EPM2A: variants seen among roughly 807,000 people sequenced by gnomAD.
The protein encoded by EPM2A is EPM2A glucan phosphatase, laforin.
Under a neutral mutation model 26.5 loss-of-function variants are expected in EPM2A, and 21 were observed. That is an observed-to-expected ratio of 0.79 (90% CI 0.56 to 1.14). The LOEUF is 1.14. Among genes scored for constraint, EPM2A ranks in the 50% most tolerant of loss-of-function variants. EPM2A has a pLI of 0.00. For synonymous variants in EPM2A, 217 were observed against 177.6 expected (o/e 1.22, Z -1.76); for missense variants, 458 against 440.8 (o/e 1.04, Z -0.35).
At chr6:145,433,698 T>C (rs556664116) in intron 4 of EPM2A, among the ~76,000 whole-genome samples, 8 of 152,270 alleles carry the variant, frequency 5.3e-5, no homozygotes, top group African/African-American at 1.4e-4. Context: ...ACAGATCCAA[T>C]TTTTTCCCTC....
chr6:145,589,888 T>TA (rs60941447), intron 2 of EPM2A, among the ~76,000 whole-genome samples: 135,643 of 141,014 alleles, frequency 0.96, 65,207 homozygotes, highest in East Asian at 0.99. Context: ...GTTCAGAGGT[T>TA]AAAAAAAAAA....
At position 145,440,348 on chromosome 6, in the gene EPM2A, C is replaced by T. The variant is rs181144548; in HGVS notation, c.556-56251G>A. Among the ~76,000 whole-genome samples the T allele has an allele frequency of 6.6e-5, 10 of 152,242 alleles. No homozygotes were observed. In the East Asian group the frequency reaches 1.5e-3, roughly 24 times the overall value. Reference sequence around the variant, plus strand: ...TGATTCAATTATCTTCCACTGAGTCCCTCTCACAACAAAACGGAATTATGG... The same window carrying T: ...TGATTCAATTATCTTCCACTGAGTCTCTCTCACAACAAAACGGAATTATGG... On this transcript the variant is annotated intron_variant, in intron 4 of 4. Transcript: ENST00000638717.
chr6:145,421,563 G>A (rs905458226), intron 4 of EPM2A, among the ~76,000 whole-genome samples: 1 of 151,682 alleles, frequency 6.6e-6, no homozygotes, highest in African/African-American at 2.4e-5. Flanking sequence ...CCACTAAAGA[G>A]AAGTTGTTTA....
At chr6:145,586,875 C>T (rs937342455) in intron 2 of EPM2A, among the ~76,000 whole-genome samples, 3 of 152,176 alleles carry the variant, frequency 2.0e-5, no homozygotes, top group African/African-American at 7.2e-5. Context: ...ATGGTCCTTA[C>T]CGGCAATCTC....
intron 4 of EPM2A, among the ~76,000 whole-genome samples, chr6:145,395,831 T>C (rs2039698): frequency 0.26 from 40,010 of 151,938 alleles, 5,599 homozygotes; most frequent in Non-Finnish European, 0.32. Flanking sequence ...TTATCAGAGA[T>C]TCTGCTGTGT....
chr6:145,415,176 G>A (rs10457777), intron 4 of EPM2A, among the ~76,000 whole-genome samples: 18,161 of 152,158 alleles, frequency 0.12, 1,130 homozygotes, highest in South Asian at 0.24. Context: ...TGCCTTCAGA[G>A]AATTGTGCTT....
rs35034106 is a variant in EPM2A at position 145,568,322 on chromosome 6, C to CT, written c.341-65748dup. Among the ~76,000 whole-genome samples, 766 of 140,070 alleles carry CT rather than the reference C, an allele frequency of 5.5e-3. 23 individuals are homozygous for CT. The East Asian group carries it at 0.088, about 16-fold the overall frequency. The allele number at this position is 140,070 out of a possible 152,430, so 91.9% of individuals were successfully genotyped here. On this transcript the variant is annotated intron_variant, in intron 2 of 3. Coordinates refer to the EPM2A transcript ENST00000450221. ...CAGAACAGTAACCCAGGACATCTGA[C>CT]TTTTTTTTTTTTTTTTTGACGGAGT...
At chr6:145,395,958 CT>C in intron 4 of EPM2A, among the ~76,000 whole-genome samples, 2 of 152,254 alleles carry the variant, frequency 1.3e-5, no homozygotes, top group East Asian at 3.9e-4. Context: ...AGCCTGTCCA[CT>C]AGCCACATAT....
intron 4 of EPM2A, among the ~76,000 whole-genome samples, chr6:145,414,438 T>G (rs1190571449): frequency 1.3e-5 from 2 of 151,988 alleles, no homozygotes; most frequent in African/African-American, 4.8e-5. Context: ...GTTGATTCGC[T>G]TCACTAAAGA....
intron 2 of EPM2A, among the ~76,000 whole-genome samples, chr6:145,594,930 A>G (rs1781321511): frequency 6.6e-6 from 1 of 151,748 alleles, no homozygotes; most frequent in Admixed American, 6.6e-5. Flanking sequence ...TTCTTCTGTA[A>G]CATTTGTCTT....
intron 1 of EPM2A, among the ~76,000 whole-genome samples, chr6:145,710,367 A>G (rs1219476036): frequency 1.3e-5 from 2 of 152,248 alleles, no homozygotes; most frequent in African/African-American, 4.8e-5. Flanking sequence ...AACACATGAA[A>G]AAATGCTCAC....
At chr6:145,615,983 T>C (rs1440528799) in intron 2 of EPM2A, among the ~76,000 whole-genome samples, 4 of 152,034 alleles carry the variant, frequency 2.6e-5, no homozygotes, top group Non-Finnish European at 5.9e-5. Context: ...GAAAAGAAAA[T>C]CCCATTTTCT....
chr6:145,478,141 A>G (rs138265400), intron 4 of EPM2A, among the ~76,000 whole-genome samples: 75 of 152,042 alleles, frequency 4.9e-4, no homozygotes, highest in South Asian at 2.9e-3. Context: ...AACAATGAAA[A>G]ATGTGAGAAA....
chr6:145,483,850 A>G (rs1193262303), intron 4 of EPM2A, among the ~76,000 whole-genome samples: 5 of 152,148 alleles, frequency 3.3e-5, no homozygotes, highest in African/African-American at 1.2e-4. Flanking sequence ...TATCTCACAC[A>G]TTCAGTAATG....
At chr6:145,624,928 T>C (rs905357839), downstream of EPM2A, among the ~76,000 whole-genome samples, 1 of 152,202 alleles carries the variant, frequency 6.6e-6, no homozygotes, top group Non-Finnish European at 1.5e-5. Context: ...AAAGATAATG[T>C]TTCAAGTCTG....
chr6:145,572,361 T>C (rs1054387858), intron 2 of EPM2A, among the ~76,000 whole-genome samples: 21 of 152,156 alleles, frequency 1.4e-4, no homozygotes, highest in Admixed American at 1.4e-3. Flanking sequence ...GTGGAGACCA[T>C]GGGCATTTGA....
chr6:145,471,683 AC>A (rs1779475192), intron 4 of EPM2A, among the ~76,000 whole-genome samples: 1 of 152,162 alleles, frequency 6.6e-6, no homozygotes, highest in African/African-American at 2.4e-5. Context: ...GCTGATGACC[AC>A]CCATACAGGG....
rs73781818 is a variant in EPM2A at position 145,462,488 on chromosome 6, A to C, written c.555+40034T>G. ...AAGATTAGGTATTTCTAGCTTACTTATCCGTAAGCATTTTTATAAAGAATA... is the reference window on the plus strand; with the variant it reads ...AAGATTAGGTATTTCTAGCTTACTTCTCCGTAAGCATTTTTATAAAGAATA... On this transcript the variant is annotated intron_variant, in intron 4 of 4. Coordinates refer to the EPM2A transcript ENST00000638717. Among the ~76,000 whole-genome samples, 94 of 152,316 alleles carry C rather than the reference A, an allele frequency of 6.2e-4. 1 individual carries two copies. The highest frequency in any genetic ancestry group is 2.3e-3 in the African/African-American group (94 of 41,586).
chr6:145,578,223 C>T (rs1781061791), intron 2 of EPM2A, among the ~76,000 whole-genome samples: 1 of 151,708 alleles, frequency 6.6e-6, no homozygotes, highest in Non-Finnish European at 1.5e-5. Flanking sequence ...GAAATTGAGA[C>T]TAAATAAATA....
Sources: allele counts gnomAD v4.1 joint callset (sites outside exome capture counted in the v4.1 genomes callset), GRCh38; gene constraint gnomAD v4.1.1; transcripts MANE v1.5; gene names NCBI Gene and HGNC (gene_info 2026-07-23, HGNC 2026-07-21).